The following GAB2 variants were observed in gnomAD, a reference collection of about 807,000 sequenced individuals.
GAB2 encodes GRB2-associated-binding protein 2.
A neutral mutation model predicts 65.5 loss-of-function variants in GAB2; 26 were observed. That is an observed-to-expected ratio of 0.40 (90% CI 0.29 to 0.55). The LOEUF (loss-of-function observed/expected upper bound fraction) is 0.55, where lower values mean the gene tolerates loss of function less well. GAB2 is among the 20% of genes least tolerant of loss of function. The pLI, the probability that GAB2 is intolerant of heterozygous loss-of-function variation, is 0.53. For synonymous variants in GAB2, 321 were observed against 329.6 expected, an observed-to-expected ratio of 0.97 and a Z score of 0.28; for missense variants, 884 against 875.8, an observed-to-expected ratio of 1.01 and a Z score of -0.12.
At chr11:78,271,452 CAAG>C (rs950389725) in intron 2 of GAB2, among the ~76,000 whole-genome samples, 3 of 152,234 alleles carry the variant, frequency 2.0e-5, no homozygotes, top group Non-Finnish European at 2.9e-5. Context: ...AGTTCTCTCT[CAAG>C]AGATTGTTTC....
At chr11:78,322,394 T>C (rs1228635656) in intron 1 of GAB2, among the ~76,000 whole-genome samples, 1 of 150,492 alleles carries the variant, frequency 6.6e-6, no homozygotes, top group African/African-American at 2.4e-5. Flanking sequence ...ACATCAGCCT[T>C]GGCAAGGAAT....
At chr11:78,254,319 A>C (rs1293389125) in intron 2 of GAB2, among the ~76,000 whole-genome samples, 1 of 152,232 alleles carries the variant, frequency 6.6e-6, no homozygotes, top group African/African-American at 2.4e-5. Flanking sequence ...GAAAAAATAA[A>C]AGAATTTTCC....
At chr11:78,376,875 G>A (rs1260419241) in intron 1 of GAB2, among the ~76,000 whole-genome samples, 2 of 152,196 alleles carry the variant, frequency 1.3e-5, no homozygotes, top group South Asian at 2.1e-4. Flanking sequence ...TCCTTAGTAC[G>A]GGAGGTGGGG....
chr11:78,276,562 C>T (rs1866176914), intron 2 of GAB2, among the ~76,000 whole-genome samples: 1 of 152,124 alleles, frequency 6.6e-6, no homozygotes. Context: ...GTCCCCTCCT[C>T]TAGGCTATGA....
At chr11:78,252,541 C>G (rs905459571) in intron 2 of GAB2, among the ~76,000 whole-genome samples, 1 of 152,082 alleles carries the variant, frequency 6.6e-6, no homozygotes, top group Non-Finnish European at 1.5e-5. Context: ...TCTGTTGTCT[C>G]GTTGGACTCC....
chr11:78,375,262 A>G (rs1053286444), intron 1 of GAB2, among the ~76,000 whole-genome samples: 3 of 152,196 alleles, frequency 2.0e-5, no homozygotes, highest in African/African-American at 4.8e-5. Flanking sequence ...GTCTCAGTCT[A>G]TCTTGTGAGA....
intron 1 of GAB2, among the ~76,000 whole-genome samples, chr11:78,283,793 C>T (rs1218510777): frequency 2.6e-5 from 4 of 152,086 alleles, no homozygotes; most frequent in Non-Finnish European, 4.4e-5. Flanking sequence ...TTCTATCTAC[C>T]GGGCCTCTCT....
chr11:78,300,695 G>GTTTTTTTTTTTT (rs769243672), intron 1 of GAB2, among the ~76,000 whole-genome samples: 86 of 113,236 alleles, frequency 7.6e-4, no homozygotes, highest in East Asian at 2.1e-3. Flanking sequence ...GTTTTTTTTT[G>GTTTTTTTTTTTT]TTTTTTTTTT....
intron 1 of GAB2, among the ~76,000 whole-genome samples, chr11:78,389,587 G>A (rs1248003805): frequency 2.0e-5 from 3 of 152,164 alleles, no homozygotes; most frequent in African/African-American, 7.2e-5. Context: ...GATTACAGGC[G>A]TGAGCCACCG....
chr11:78,389,311 CTT>C (rs113709383), intron 1 of GAB2, among the ~76,000 whole-genome samples: 12 of 144,076 alleles, frequency 8.3e-5, no homozygotes, highest in African/African-American at 7.6e-5. Context: ...TGTGGTTTTC[CTT>C]TTTTTTTTTT....
At chr11:78,253,934 T>C (rs889104689) in intron 2 of GAB2, among the ~76,000 whole-genome samples, 2 of 152,246 alleles carry the variant, frequency 1.3e-5, no homozygotes, top group African/African-American at 4.8e-5. Context: ...CTACTTATTC[T>C]GCCTTGTCAT....
At chr11:78,405,899 G>A (rs907793602) in intron 1 of GAB2, among the ~76,000 whole-genome samples, 2 of 152,162 alleles carry the variant, frequency 1.3e-5, no homozygotes, top group African/African-American at 4.8e-5. Flanking sequence ...GAAAGGAGCA[G>A]CCTAGCAAGA....
intron 1 of GAB2, among the ~76,000 whole-genome samples, chr11:78,296,117 G>T (rs1027821605): frequency 1.3e-5 from 2 of 152,164 alleles, no homozygotes; most frequent in African/African-American, 4.8e-5. Context: ...TCTTCTATGA[G>T]AATCTGATGT....
At chr11:78,291,277 C>T (rs1017160181) in intron 1 of GAB2, among the ~76,000 whole-genome samples, 1 of 139,918 alleles carries the variant, frequency 7.1e-6, no homozygotes, top group African/African-American at 2.7e-5. Context: ...ACGGTGAAAC[C>T]GTCTCTACTA....
chr11:78,301,988 T>C (rs937110596), intron 1 of GAB2, among the ~76,000 whole-genome samples: 3 of 152,138 alleles, frequency 2.0e-5, no homozygotes, highest in African/African-American at 4.8e-5. Flanking sequence ...GCAAGCCACA[T>C]GTAGTAGAAT....
chr11:78,295,022 T>G (rs576740782), intron 1 of GAB2, among the ~76,000 whole-genome samples: 1 of 152,142 alleles, frequency 6.6e-6, no homozygotes, highest in South Asian at 2.1e-4. Context: ...GAATCTACAA[T>G]GAACTCAAAC....
At chr11:78,263,135 C>G (rs7935822) in intron 2 of GAB2, among the ~76,000 whole-genome samples, 5,159 of 152,286 alleles carry the variant, frequency 0.034, 304 homozygotes, top group African/African-American at 0.12. Flanking sequence ...AATTTAAGTT[C>G]ATCACCAAGG....
chr11:78,262,204 C>T (rs1325399083), intron 2 of GAB2, among the ~76,000 whole-genome samples: 5 of 152,184 alleles, frequency 3.3e-5, no homozygotes, highest in South Asian at 2.1e-4. Context: ...AGGGGAACTT[C>T]GGCTTCAGGA....
intron 1 of GAB2, among the ~76,000 whole-genome samples, chr11:78,304,308 C>T (rs1035071123): frequency 6.6e-6 from 1 of 152,030 alleles, no homozygotes; most frequent in African/African-American, 2.4e-5. Context: ...TATCTAATTC[C>T]AGAACATTTG....
Sources: allele counts gnomAD v4.1 joint callset (sites outside exome capture counted in the v4.1 genomes callset), GRCh38; gene constraint gnomAD v4.1.1; transcripts MANE v1.5; gene names NCBI Gene and HGNC (gene_info 2026-07-23, HGNC 2026-07-21).